Variants in NBEA observed in about 807,000 individuals in gnomAD.
The protein encoded by NBEA is neurobeachin, also known as lysosomal-trafficking regulator 2.
NBEA carries 44 observed loss-of-function variants against 343.4 expected under a neutral mutation model. That is an observed-to-expected ratio of 0.13 (90% CI 0.10 to 0.16). The LOEUF (loss-of-function observed/expected upper bound fraction) is 0.16. NBEA is among the 10% of genes least tolerant of loss of function. NBEA has a pLI of 1.00. For missense variants in NBEA, 2,555 were observed against 3,631.3 expected (o/e 0.70, Z 7.62); for synonymous variants, 1,175 against 1,238.7 (o/e 0.95, Z 1.08).
chr13:35,032,108 C>T (rs1328870249), intron 1 of NBEA, among the ~76,000 whole-genome samples: 1 of 151,734 alleles, frequency 6.6e-6, no homozygotes, highest in African/African-American at 2.4e-5. Flanking sequence ...CTACAGTGAA[C>T]ATTTACATGC....
At position 35,159,534 on chromosome 13, in the gene NBEA, T is replaced by C. The variant is rs1651616057; in HGVS notation, c.3363T>C (p.Asn1121=). The change falls in exon 22 of 59, where the codon AAT becomes AAC. Residue 1121 remains asparagine, a synonymous_variant. Coordinates refer to ENST00000379939, the MANE Select transcript of NBEA (RefSeq NM_001385012.1). ...VHGSVGIIKK[N]EEKDNGPLIT... Reference sequence around the variant, plus strand: ...GAAGTGTTGGTATCATTAAAAAAAATGAAGAAAAGGATAATGGTCCATTGA... The same window carrying C: ...GAAGTGTTGGTATCATTAAAAAAAACGAAGAAAAGGATAATGGTCCATTGA... 1 of 1,611,878 alleles carries C rather than the reference T, an allele frequency of 6.2e-7. No individual in the cohort carries two copies. The highest frequency in any genetic ancestry group is 8.5e-7 in the Non-Finnish European group (1 of 1,179,324).
chr13:35,151,229 T>G (rs1415605599), intron 18 of NBEA, among the ~76,000 whole-genome samples: 1 of 151,884 alleles, frequency 6.6e-6, no homozygotes, highest in Non-Finnish European at 1.5e-5. Context: ...ATAAGATGCT[T>G]GTAATATAAT....
At chr13:35,337,590 A>G (rs2039339421) in intron 36 of NBEA, among the ~76,000 whole-genome samples, 2 of 152,076 alleles carry the variant, frequency 1.3e-5, no homozygotes, top group South Asian at 4.1e-4. Flanking sequence ...TAATGGATAG[A>G]ACACCTAGAC....
chr13:35,137,180 G>A (rs2067781983), intron 17 of NBEA, among the ~76,000 whole-genome samples: 1 of 152,162 alleles, frequency 6.6e-6, no homozygotes, highest in African/African-American at 2.4e-5. Flanking sequence ...GCCGGGCACG[G>A]TGGCTCATGC....
chr13:35,612,947 A>ATAATTGTTT (rs1383504254), intron 48 of NBEA, among the ~76,000 whole-genome samples: 5 of 152,028 alleles, frequency 3.3e-5, no homozygotes, highest in Non-Finnish European at 5.9e-5. Flanking sequence ...TTGACAATTA[A>ATAATTGTTT]TAATTGTTTA....
chr13:35,621,820 T>C (rs1055482184), intron 48 of NBEA, among the ~76,000 whole-genome samples: 1 of 152,058 alleles, frequency 6.6e-6, no homozygotes, highest in African/African-American at 2.4e-5. Flanking sequence ...AGGTTAAGAG[T>C]TGTGGGAAAT....
intron 10 of NBEA, among the ~76,000 whole-genome samples, chr13:35,097,426 A>G (rs2065393630): frequency 1.3e-5 from 2 of 151,940 alleles, no homozygotes; most frequent in Admixed American, 1.3e-4. Context: ...ATTTTAATTC[A>G]TGATAAAATC....
intron 11 of NBEA, among the ~76,000 whole-genome samples, chr13:35,107,368 T>C (rs1347257367): frequency 1.3e-5 from 2 of 151,974 alleles, no homozygotes; most frequent in Admixed American, 1.3e-4. Context: ...AGGTTTGGTT[T>C]GAATTTTGTA....
intron 45 of NBEA, among the ~76,000 whole-genome samples, chr13:35,579,213 T>A (rs962654700): frequency 6.6e-6 from 1 of 152,168 alleles, no homozygotes; most frequent in Non-Finnish European, 1.5e-5. Context: ...AAACTTTTTT[T>A]TCTTGAAAAT....
chr13:35,090,376 G>T (rs1413585727), intron 10 of NBEA, among the ~76,000 whole-genome samples: 2 of 151,854 alleles, frequency 1.3e-5, no homozygotes, highest in Non-Finnish European at 1.5e-5. Context: ...AACTATAATG[G>T]GGTTAGGAAA....
intron 38 of NBEA, among the ~76,000 whole-genome samples, chr13:35,398,506 G>A (rs1218679276): frequency 6.6e-6 from 1 of 152,138 alleles, no homozygotes; most frequent in Non-Finnish European, 1.5e-5. Flanking sequence ...ACTCCTTGAT[G>A]CATGGGCTAC....
intron 1 of NBEA, among the ~76,000 whole-genome samples, chr13:35,010,061 T>C (rs2061432082): frequency 6.6e-6 from 1 of 152,182 alleles, no homozygotes; most frequent in African/African-American, 2.4e-5. Context: ...CAGTTTTATA[T>C]GCCTGTTGTG....
chr13:35,293,472 AT>A (rs1371732089), intron 35 of NBEA, among the ~76,000 whole-genome samples: 9 of 151,946 alleles, frequency 5.9e-5, no homozygotes, highest in Admixed American at 3.3e-4. Context: ...GTTTCATATC[AT>A]TTTGAAGTGA....
intron 10 of NBEA, among the ~76,000 whole-genome samples, chr13:35,079,138 G>A (rs1265060858): frequency 6.6e-6 from 1 of 152,164 alleles, no homozygotes; most frequent in African/African-American, 2.4e-5. Flanking sequence ...GGCTGACATT[G>A]AGACAATACT....
intron 33 of NBEA, among the ~76,000 whole-genome samples, chr13:35,212,702 GTC>G (rs2073850590): frequency 6.6e-6 from 1 of 152,016 alleles, no homozygotes; most frequent in African/African-American, 2.4e-5. Flanking sequence ...TTAGTATTTA[GTC>G]TCTGTCATTT....
intron 49 of NBEA, among the ~76,000 whole-genome samples, chr13:35,633,206 C>T (rs1593423234): frequency 6.6e-6 from 1 of 151,098 alleles, no homozygotes; most frequent in Admixed American, 6.6e-5. Flanking sequence ...GGGTTCACGC[C>T]ATTCTCCTGC....
At chr13:35,559,974 G>T (rs1025117002) in intron 44 of NBEA, among the ~76,000 whole-genome samples, 4 of 147,470 alleles carry the variant, frequency 2.7e-5, no homozygotes, top group African/African-American at 1.0e-4. Flanking sequence ...TTAATAATAA[G>T]AACTCAGAAA....
Position 35,173,517 on chromosome 13 carries a change from A to G in NBEA, c.4477A>G (p.Arg1493Gly), listed in dbSNP as rs2070635079. The G allele has an allele frequency of 6.2e-7, 1 of 1,610,888 alleles. No individual in the cohort carries two copies. Among genetic ancestry groups the G allele is most frequent in the Non-Finnish European group, 8.5e-7 (1 of 1,177,980 alleles). The change falls in exon 27 of 59, where the codon AGG (arginine) becomes GGG (glycine). Residue 1493 changes from arginine (R) to glycine (G), a missense_variant. Arg to Gly is a moderately radical substitution (Grantham distance 125). This residue lies in a region of NBEA where 168 missense variants were observed against 193.0 expected (regional missense o/e 0.87). Transcript: ENST00000379939. ...AGAATGTCGGCAAAGACAGAGAGAC[A>G]GGGGAAATAAATCTTCCCATGGAAG... ...CLECRQRQRD[R>G]GNKSSHGSSK... is the part of the protein sequence containing the mutation.
intron 1 of NBEA, among the ~76,000 whole-genome samples, chr13:34,997,319 T>C (rs956493748): frequency 2.0e-5 from 3 of 152,198 alleles, no homozygotes; most frequent in African/African-American, 7.2e-5. Flanking sequence ...AAAGCCTAGC[T>C]GGGCTCTCCA....
Sources: allele counts gnomAD v4.1 joint callset (sites outside exome capture counted in the v4.1 genomes callset), GRCh38; gene constraint gnomAD v4.1.1; regional missense constraint gnomAD v4.1.1; transcripts MANE v1.5; gene names NCBI Gene and HGNC (gene_info 2026-07-23, HGNC 2026-07-21).